Variants in SVEP1 observed in about 807,000 individuals in gnomAD.
The protein encoded by SVEP1 is sushi, von Willebrand factor type A, EGF and pentraxin domain-containing protein 1.
Under a neutral mutation model 367.3 loss-of-function variants are expected in SVEP1, and 164 were observed. The ratio of observed to expected loss-of-function variants is 0.45; its 90% CI spans 0.39 to 0.51. The LOEUF (loss-of-function observed/expected upper bound fraction) is 0.51. SVEP1 is among the 20% of genes least tolerant of loss of function. SVEP1 has a pLI of 0.00. For missense variants in SVEP1, 4,117 were observed against 4,425.3 expected, an observed-to-expected ratio of 0.93 and a Z score of 1.98; for synonymous variants, 1,666 against 1,611.6, an observed-to-expected ratio of 1.03 and a Z score of -0.81.
At chr9:110,539,901 G>A (rs886789159) in intron 3 of SVEP1, among the ~76,000 whole-genome samples, 1 of 152,020 alleles carries the variant, frequency 6.6e-6, no homozygotes. Flanking sequence ...AAAGTGGCTA[G>A]ACTATAGACT....
intron 24 of SVEP1, among the ~76,000 whole-genome samples, chr9:110,449,643 A>G (rs1264750912): frequency 6.6e-6 from 1 of 152,258 alleles, no homozygotes. Flanking sequence ...AGATCGTGCT[A>G]TTGCACTCCA....
chr9:110,502,666 A>T (rs531737257), intron 6 of SVEP1, among the ~76,000 whole-genome samples: 1 of 152,266 alleles, frequency 6.6e-6, no homozygotes, highest in Admixed American at 6.5e-5. Flanking sequence ...CTGGTTCCTA[A>T]TTTTGTCCTT....
At chr9:110,508,394 T>C (rs947434730) in intron 5 of SVEP1, among the ~76,000 whole-genome samples, 3 of 152,160 alleles carry the variant, frequency 2.0e-5, no homozygotes, top group Admixed American at 6.5e-5. Context: ...TTCTCATTGG[T>C]TGAACCTTTT....
chr9:110,474,071 G>C (rs1198791476), intron 14 of SVEP1, among the ~76,000 whole-genome samples: 1 of 152,076 alleles, frequency 6.6e-6, no homozygotes, highest in African/African-American at 2.4e-5. Flanking sequence ...CATGATCTCG[G>C]CCCACTGCCA....
chr9:110,408,243 C>G lies in SVEP1; in HGVS notation c.7357G>C (p.Val2453Leu). ...GTGCTGAGATAGGCAAGGCCTTGCA[C>G]ATCAATGATTCCATTGGGGATTTCC... ...PEEIPNGIID[V>L]QGLAYLSTAL... Residue 2453 changes from valine to leucine, a missense_variant, in exon 38 of 48, where the codon GTG (valine) becomes CTG (leucine). Coordinates refer to ENST00000374469, the MANE Select transcript of SVEP1 (RefSeq NM_153366.4). 1 of 1,613,974 alleles carries G rather than the reference C, an allele frequency of 6.2e-7. No individual in the cohort carries two copies. The highest frequency in any genetic ancestry group is 8.5e-7 in the Non-Finnish European group (1 of 1,179,888).
chr9:110,443,473 A>C, intron 27 of SVEP1, 72 bp downstream of exon 27: 15 of 1,263,510 alleles, frequency 1.2e-5, no homozygotes, highest in Non-Finnish European at 1.5e-5. Context: ...CAATGCTAGC[A>C]AACCTGATGT....
At chr9:110,473,296 T>TA (rs950938367) in intron 14 of SVEP1, among the ~76,000 whole-genome samples, 3 of 151,862 alleles carry the variant, frequency 2.0e-5, no homozygotes, top group Non-Finnish European at 2.9e-5. Flanking sequence ...GTAGCTGTTA[T>TA]AAAAAAAATG....
At chr9:110,573,797 C>T (rs1217214245) in intron 1 of SVEP1, among the ~76,000 whole-genome samples, 1 of 152,188 alleles carries the variant, frequency 6.6e-6, no homozygotes, top group Non-Finnish European at 1.5e-5. Context: ...GATAATTACT[C>T]ACCCAGAACA....
At chr9:110,429,595 T>A (rs976460249) in intron 34 of SVEP1, among the ~76,000 whole-genome samples, 2 of 152,200 alleles carry the variant, frequency 1.3e-5, no homozygotes, top group Non-Finnish European at 2.9e-5. Flanking sequence ...AAACAGGGAA[T>A]CCTTGGCTTG....
chr9:110,499,053 C>A lies in SVEP1; in HGVS notation c.1669G>T (p.Ala557Ser), dbSNP rs758751074. The change falls in exon 7 of 48, where the codon GCT becomes TCT. Residue 557 changes from alanine to serine, a missense_variant. This residue lies in a region of SVEP1 where 2,174 missense variants were observed against 2,494.3 expected (regional missense o/e 0.87). Transcript: ENST00000374469. Reference protein sequence around the residue: ...SGKWNVGVQAAVCKDVEAPQI... With the variant: ...SGKWNVGVQASVCKDVEAPQI... Reference sequence around the variant, plus strand: ...TGTAGAGACCTACCTTTACACACAGCTGCCTGAACTCCGACATTCCATTTT... The same window carrying A: ...TGTAGAGACCTACCTTTACACACAGATGCCTGAACTCCGACATTCCATTTT... 15 of 1,613,226 alleles carry A rather than the reference C, an allele frequency of 9.3e-6. No homozygotes were observed. The East Asian group carries it at 3.3e-4, about 36-fold the overall frequency.
intron 16 of SVEP1, among the ~76,000 whole-genome samples, chr9:110,469,737 C>CA (rs1387786435): frequency 6.6e-6 from 1 of 152,166 alleles, no homozygotes; most frequent in Non-Finnish European, 1.5e-5. Context: ...ACTTGTTAAA[C>CA]ACGCAGATTT....
At chr9:110,557,825 G>A (rs1462653726) in intron 1 of SVEP1, among the ~76,000 whole-genome samples, 2 of 152,054 alleles carry the variant, frequency 1.3e-5, no homozygotes, top group Non-Finnish European at 2.9e-5. Flanking sequence ...CCTCTTATTT[G>A]TAACAAATAA....
At chr9:110,376,446 T>G (rs2118946249) in intron 45 of SVEP1, among the ~76,000 whole-genome samples, 1 of 152,348 alleles carries the variant, frequency 6.6e-6, no homozygotes, top group East Asian at 1.9e-4. Flanking sequence ...TTTTAATCAT[T>G]TGAGAATACT....
chr9:110,512,549 T>A (rs1829735719), intron 5 of SVEP1, among the ~76,000 whole-genome samples: 1 of 152,128 alleles, frequency 6.6e-6, no homozygotes, highest in African/African-American at 2.4e-5. Context: ...ACTGCTCTTG[T>A]TGCAGGATAC....
intron 9 of SVEP1, among the ~76,000 whole-genome samples, chr9:110,488,626 CCAA>C (rs1424427448): frequency 3.3e-5 from 5 of 151,954 alleles, no homozygotes; most frequent in Non-Finnish European, 5.9e-5. Flanking sequence ...TTTTGGGAGG[CCAA>C]CGTGAGAGGA....
intron 10 of SVEP1, 84 bp from the exon 11 acceptor site, chr9:110,482,576 G>T (rs1277012163): frequency 1.8e-5 from 26 of 1,467,766 alleles, no homozygotes; most frequent in Admixed American, 2.1e-5. Context: ...GCCCAGGCTG[G>T]AGTGCAATGG....
Position 110,479,211 on chromosome 9 carries a change from C to T in SVEP1, c.2487+424G>A, listed in dbSNP as rs1028610512. Among the ~76,000 whole-genome samples the T allele has an allele frequency of 3.0e-4, 46 of 151,782 alleles. 1 individual carries two copies. The highest frequency in any genetic ancestry group is 2.9e-3 in the Admixed American group (44 of 15,278). On this transcript the variant is annotated intron_variant, in intron 13 of 47. Coordinates refer to ENST00000374469, the MANE Select transcript of SVEP1 (RefSeq NM_153366.4). ...GGGATTACAGGCGTGAGCCACCGCG[C>T]CTGGTCTGTTTTTTTTATAATTGTT... is the stretch of plus-strand genomic sequence containing the variant.
intron 39 of SVEP1, 68 bp from the exon 40 acceptor site, chr9:110,401,077 A>G (rs77157659): frequency 1.1e-5 from 18 of 1,568,826 alleles, no homozygotes; most frequent in Admixed American, 3.8e-5. Flanking sequence ...GAAATTTGCA[A>G]ATATTGGTTA....
At chr9:110,488,879 G>GA (rs1829325885) in intron 9 of SVEP1, among the ~76,000 whole-genome samples, 1 of 151,900 alleles carries the variant, frequency 6.6e-6, no homozygotes. Flanking sequence ...CCCTGTCTCT[G>GA]AAAAAAATTA....
Sources: gnomAD v4.1 joint callset for allele counts (sites outside exome capture counted in the v4.1 genomes callset) on GRCh38, gnomAD v4.1.1 for gene constraint, gnomAD v4.1.1 regional missense constraint, MANE v1.5 for transcripts, NCBI Gene and HGNC (gene_info 2026-07-23, HGNC 2026-07-21) for gene names.